Variants in AHR observed in about 807,000 individuals in gnomAD.
The protein encoded by AHR is AH-receptor.
Under a neutral mutation model 86.8 loss-of-function variants are expected in AHR, and 40 were observed. The observed-to-expected ratio is 0.46, with a 90% CI of 0.36 to 0.60. AHR has a LOEUF of 0.60. AHR is among the 20% of genes least tolerant of loss of function. The probability of loss-of-function intolerance (pLI) is 0.00; values close to 1 mark genes in which losing one functional copy is unlikely to be tolerated. For synonymous variants in AHR, 398 were observed against 354.9 expected (o/e 1.12, Z -1.37); for missense variants, 1,001 against 1,011.6 (o/e 0.99, Z 0.14).
chr7:17,319,803 G>T (rs1782150746), intron 2 of AHR, among the ~76,000 whole-genome samples: 1 of 152,082 alleles, frequency 6.6e-6, no homozygotes, highest in African/African-American at 2.4e-5. Context: ...AAAACTTCAT[G>T]CAGGGGTAGA....
intron 3 of AHR, among the ~76,000 whole-genome samples, chr7:17,326,638 C>T (rs531849946): frequency 3.3e-5 from 5 of 152,104 alleles, no homozygotes; most frequent in African/African-American, 4.8e-5. Context: ...GGTGGGATAT[C>T]GTCATTATAT....
intron 1 of AHR, among the ~76,000 whole-genome samples, chr7:17,305,894 T>C (rs1020044025): frequency 6.6e-6 from 1 of 152,176 alleles, no homozygotes; most frequent in African/African-American, 2.4e-5. Context: ...AGACTGGCAT[T>C]GGGCATACTG....
At position 17,339,424 on chromosome 7, in the gene AHR, T is replaced by C. The variant is rs773395805; in HGVS notation, c.1599T>C (p.Asp533=). Residue 533 remains aspartate, a synonymous_variant, in exon 10 of 11, where the codon GAT becomes GAC. Transcript: ENST00000242057. The part of the protein sequence containing the change: ...FAGGHPGLFQ[D]SKNSDLYSIM... Reference sequence around the variant, plus strand: ...GAGGTCACCCAGGGCTCTTTCAAGATAGTAAAAACAGTGACTTGTACAGCA... The same window carrying C: ...GAGGTCACCCAGGGCTCTTTCAAGACAGTAAAAACAGTGACTTGTACAGCA... The C allele has an allele frequency of 6.2e-7, 1 of 1,614,184 alleles. No individual in the cohort carries two copies. Among genetic ancestry groups the C allele is most frequent in the South Asian group, 1.1e-5 (1 of 91,086 alleles).
chr7:17,334,822 CTTGG>C, intron 7 of AHR, 61 bp from the exon 8 acceptor site: 1 of 1,153,896 alleles, frequency 8.7e-7, no homozygotes, highest in Non-Finnish European at 1.2e-6. Context: ...ATGAATTTAT[CTTGG>C]TTATTTCATT....
intron 5 of AHR, among the ~76,000 whole-genome samples, chr7:17,330,434 G>C (rs1245650207): frequency 6.6e-6 from 1 of 151,894 alleles, no homozygotes; most frequent in African/African-American, 2.4e-5. Flanking sequence ...GCTAGCATAT[G>C]CAAGTATAAA....
intron 2 of AHR, among the ~76,000 whole-genome samples, chr7:17,312,589 C>T (rs1325342719): frequency 6.6e-6 from 1 of 152,174 alleles, no homozygotes; most frequent in Non-Finnish European, 1.5e-5. Flanking sequence ...GGAGATCTCA[C>T]AGTCTATCTT....
chr7:17,298,670 T>C lies in AHR; in HGVS notation c.-595T>C, dbSNP rs1781915108. The C allele has an allele frequency of 1.5e-5, 6 of 392,714 alleles. No individual in the cohort carries two copies. The highest frequency in any genetic ancestry group is 2.7e-5 in the Non-Finnish European group (6 of 222,966). 24.3% of individuals were successfully genotyped at this position (392,714 alleles called of 1,614,324 possible). ...GGGAGGCAGTGGCTGGGGAGTCCCG[T>C]CGACGCTCTGTTCCGAGAGCGTGCC... On this transcript the variant is annotated 5_prime_UTR_variant, in exon 1 of 11. Coordinates refer to ENST00000242057, the MANE Select transcript of AHR (RefSeq NM_001621.5).
chr7:17,340,363 CTG>C, intron 10 of AHR, 135 bp downstream of exon 10: 1 of 1,185,770 alleles, frequency 8.4e-7, no homozygotes, highest in African/African-American at 1.5e-5. Flanking sequence ...TTTATTATAT[CTG>C]TGACTACCTT....
At chr7:17,331,370 A>G (rs1468892717) in intron 6 of AHR, among the ~76,000 whole-genome samples, 1 of 151,940 alleles carries the variant, frequency 6.6e-6, no homozygotes, top group Non-Finnish European at 1.5e-5. Context: ...CTACCAAATA[A>G]TTTGATAAAG....
intron 1 of AHR, among the ~76,000 whole-genome samples, chr7:17,302,552 C>T (rs1781965265): frequency 6.6e-6 from 1 of 151,740 alleles, no homozygotes; most frequent in African/African-American, 2.4e-5. Flanking sequence ...TTTCCAATAG[C>T]TTTAGATAGC....
At chr7:17,334,561 TA>T (rs1226912003) in intron 7 of AHR, among the ~76,000 whole-genome samples, 1 of 151,990 alleles carries the variant, frequency 6.6e-6, no homozygotes, top group African/African-American at 2.4e-5. Flanking sequence ...CCTTCTTCCC[TA>T]AAAATAGATT....
At chr7:17,323,100 T>C (rs1280471281) in intron 3 of AHR, among the ~76,000 whole-genome samples, 1 of 152,088 alleles carries the variant, frequency 6.6e-6, no homozygotes, top group African/African-American at 2.4e-5. Context: ...TGTTAAGTAA[T>C]GCATGACTGT....
At chr7:17,337,981 C>G (rs1260989146) in intron 9 of AHR, among the ~76,000 whole-genome samples, 3 of 150,824 alleles carry the variant, frequency 2.0e-5, no homozygotes, top group African/African-American at 7.3e-5. Context: ...GGGCGGATCA[C>G]GAGGTCAGGA....
chr7:17,299,405 G>A, intron 1 of AHR, 76 bp downstream of exon 1: 1 of 1,512,248 alleles, frequency 6.6e-7, no homozygotes, highest in Non-Finnish European at 9.0e-7. Flanking sequence ...GCCCCACCCC[G>A]CCCCCAAATC....
At chr7:17,325,807 G>A (rs1472671849) in intron 3 of AHR, among the ~76,000 whole-genome samples, 1 of 152,148 alleles carries the variant, frequency 6.6e-6, no homozygotes, top group Non-Finnish European at 1.5e-5. Context: ...CTGCAGGGTG[G>A]GAGGAGGGAG....
In AHR at chr7:17,339,562, T is replaced by C. The variant is rs1003306479; in HGVS notation, c.1737T>C (p.Asp579=). Residue 579 remains aspartate (D), a synonymous_variant, in exon 10 of 11, where the codon GAT becomes GAC. Transcript: ENST00000242057. ...EVDFRDIDLT[D]EILTYVQDSL... is the part of the protein sequence containing the mutation. The stretch of plus-strand genomic sequence containing the variant: ...ACTTCAGAGACATTGACTTAACGGA[T>C]GAAATCCTGACGTATGTCCAAGATT... 1.2e-6 allele frequency: 2 copies of C among 1,614,204 alleles called. No homozygotes were observed. The highest frequency in any genetic ancestry group is 8.5e-7 in the Non-Finnish European group (1 of 1,180,042).
chr7:17,325,799 G>T (rs1190192461), intron 3 of AHR, among the ~76,000 whole-genome samples: 1 of 152,170 alleles, frequency 6.6e-6, no homozygotes, highest in East Asian at 1.9e-4. Context: ...TTTAGAGGCT[G>T]CAGGGTGGGA....
chr7:17,303,529 TAG>T (rs1490594997), intron 1 of AHR, among the ~76,000 whole-genome samples: 1 of 152,016 alleles, frequency 6.6e-6, no homozygotes, highest in African/African-American at 2.4e-5. Flanking sequence ...CCTTTCCTCT[TAG>T]AGTCTTTTCT....
chr7:17,334,298 T>G lies in AHR; in HGVS notation c.908+184T>G, dbSNP rs201235493. Among the ~76,000 whole-genome samples, 24 of 152,218 alleles carry G rather than the reference T, an allele frequency of 1.6e-4. No individual in the cohort carries two copies. In the East Asian group the frequency reaches 4.2e-3, roughly 27 times the overall value. ...TAATCAGGCTCACAAATCATCTTTT[T>G]AATTTTTGCAATACTTGTCTCAAAT... On this transcript the variant is annotated intron_variant, in intron 7 of 10. Coordinates refer to ENST00000242057, the MANE Select transcript of AHR (RefSeq NM_001621.5).
Sources: allele counts gnomAD v4.1 joint callset (sites outside exome capture counted in the v4.1 genomes callset), GRCh38; gene constraint gnomAD v4.1.1; transcripts MANE v1.5; gene names NCBI Gene and HGNC (gene_info 2026-07-23, HGNC 2026-07-21).